GAK: variants seen among roughly 807,000 people sequenced by gnomAD.
GAK encodes the protein cyclin G associated kinase.
GAK carries 79 observed loss-of-function variants against 143.9 expected under a neutral mutation model. The observed-to-expected ratio is 0.55, with a 90% CI of 0.46 to 0.66. GAK has a LOEUF of 0.66. GAK is among the 30% of genes least tolerant of loss of function. The pLI, the probability that GAK is intolerant of heterozygous loss-of-function variation, is 0.00. For missense variants in GAK, 1,693 were observed against 1,779.7 expected (o/e 0.95, Z 0.88); for synonymous variants, 881 against 765.5 (o/e 1.15, Z -2.49).
chr4:902,027 C>G (rs1425856869), intron 5 of GAK, among the ~76,000 whole-genome samples: 2 of 152,180 alleles, frequency 1.3e-5, no homozygotes, highest in Non-Finnish European at 2.9e-5. Flanking sequence ...GACTTGAGGT[C>G]AGGAGTTCGA....
At chr4:889,528 G>C (rs1717237664) in intron 10 of GAK, among the ~76,000 whole-genome samples, 1 of 152,156 alleles carries the variant, frequency 6.6e-6, no homozygotes, top group South Asian at 2.1e-4. Flanking sequence ...GGGCACTGCA[G>C]AACCCAGCAG....
Position 867,320 on chromosome 4 carries a change from G to C in GAK, c.2508C>G (p.Ile836Met), listed in dbSNP as rs1205456091. 1 of 1,611,170 alleles carries C rather than the reference G, an allele frequency of 6.2e-7. No homozygotes were observed. The highest frequency in any genetic ancestry group is 2.2e-5 in the East Asian group (1 of 44,804). Residue 836 changes from isoleucine to methionine, a missense_variant, in exon 21 of 28, where the codon ATC becomes ATG. By Grantham distance (10) the Ile-to-Met change is conservative. Transcript: ENST00000314167. ...SEVSDEGGSP[I>M]SSEGQEPRAD... is the part of the protein sequence containing the mutation. ...CCCTGGGTTCCTGGCCCTCGCTGGA[G>C]ATCGGGGATCCCCCTTCATCTGACA...
At chr4:866,828 G>T in intron 21 of GAK, 128 bp downstream of exon 21, 1 of 749,054 alleles carries the variant, frequency 1.3e-6, no homozygotes, top group South Asian at 1.9e-5. Context: ...GCTGCTCCTG[G>T]GGGAGGTGGG....
intron 23 of GAK, among the ~76,000 whole-genome samples, chr4:861,104 G>A (rs1233956771): frequency 6.6e-6 from 1 of 152,138 alleles, no homozygotes; most frequent in Non-Finnish European, 1.5e-5. Flanking sequence ...CGCTGTGGCT[G>A]CTCCACAGAC....
Position 867,166 on chromosome 4 carries a change from A to G in GAK, c.2662T>C (p.Ser888Pro). ...ACAGCTGGCCCTGCGCCCACCTCGG[A>G]GTGCAGGCCCAGGAGGTCGACCCCG... Reference protein sequence around the residue: ...EDGVDLLGLHSEVGAGPAVPP... With the variant: ...EDGVDLLGLHPEVGAGPAVPP... Residue 888 changes from serine (S) to proline (P), a missense_variant, in exon 21 of 28, where the codon TCC (serine) becomes CCC (proline). By Grantham distance (74) the Ser-to-Pro change is moderately conservative. Coordinates refer to ENST00000314167, the MANE Select transcript of GAK (RefSeq NM_005255.4). 1 of 1,604,254 alleles carries G rather than the reference A, an allele frequency of 6.2e-7. No individual in the cohort carries two copies. Among genetic ancestry groups the G allele is most frequent in the Non-Finnish European group, 8.5e-7 (1 of 1,174,086 alleles).
At position 896,583 on chromosome 4, in the gene GAK, GC is replaced by G. The variant is rs758046467; in HGVS notation, c.652-35del. ...ATACAAACATTTCAAAGGAAAAGTT[GC>G]ATCCCACAAACAGTATTTTTTATGT... On this transcript the variant is annotated intron_variant, in intron 6 of 27. Transcript: ENST00000314167. 5 of 1,507,854 alleles carry G rather than the reference GC, an allele frequency of 3.3e-6. No homozygotes were observed. In the South Asian group the frequency reaches 5.6e-5, roughly 17 times the overall value. The allele number at this position is 1,507,854 out of a possible 1,614,324, so 93.4% of individuals were successfully genotyped here. A position where few individuals can be genotyped will look rare whatever the true frequency, so the allele number is the denominator to read the frequency against.
intron 1 of GAK, among the ~76,000 whole-genome samples, chr4:921,386 G>A (rs1723903133): frequency 6.6e-6 from 1 of 152,188 alleles, no homozygotes; most frequent in East Asian, 1.9e-4. Context: ...GGGCTACCAC[G>A]CCCAGCCCAT....
At chr4:906,817 C>T (rs1385314107) in intron 4 of GAK, among the ~76,000 whole-genome samples, 6 of 152,226 alleles carry the variant, frequency 3.9e-5, no homozygotes, top group East Asian at 3.8e-4. Context: ...GTCTCCCCCA[C>T]GCTGCCAGAG....
intron 1 of GAK, among the ~76,000 whole-genome samples, chr4:925,994 G>T (rs1039723122): frequency 2.0e-5 from 3 of 152,010 alleles, no homozygotes; most frequent in African/African-American, 7.3e-5. Flanking sequence ...ACCTCCCCCA[G>T]TGGTGAGCCC....
At chr4:883,858 G>A (rs554067701) in intron 12 of GAK, among the ~76,000 whole-genome samples, 179 bp downstream of exon 12, 4 of 152,364 alleles carry the variant, frequency 2.6e-5, no homozygotes, top group Middle Eastern at 3.4e-3. Flanking sequence ...CCACTGCTGC[G>A]CCTGGAGGTG....
chr4:888,717 GTCCC>G, intron 11 of GAK, 126 bp downstream of exon 11: 1 of 1,101,830 alleles, frequency 9.1e-7, no homozygotes, highest in Non-Finnish European at 1.3e-6. Flanking sequence ...GGGTGATGCT[GTCCC>G]ACTGCCTCAG....
At chr4:888,728 T>C in intron 11 of GAK, 119 bp downstream of exon 11, 1 of 1,273,914 alleles carries the variant, frequency 7.8e-7, no homozygotes, top group Non-Finnish European at 1.1e-6. Context: ...TCCCACTGCC[T>C]CAGGGGCCCC....
chr4:856,614 G>GGTGCTCACACCTGCTCACCACAA (rs1749315913), intron 24 of GAK, among the ~76,000 whole-genome samples: 1 of 141,504 alleles, frequency 7.1e-6, no homozygotes, highest in African/African-American at 2.7e-5. Flanking sequence ...GCTCACCACA[G>GGTGCTCACACCTGCTCACCACAA]GTGCTCACAC....
intron 7 of GAK, among the ~76,000 whole-genome samples, chr4:895,520 A>G (rs1718599604): frequency 6.6e-6 from 1 of 152,196 alleles, no homozygotes; most frequent in African/African-American, 2.4e-5. Context: ...TACAGCCCAC[A>G]TACTGTCTCA....
At chr4:918,284 A>G (rs906126575) in intron 1 of GAK, among the ~76,000 whole-genome samples, 2 of 152,266 alleles carry the variant, frequency 1.3e-5, no homozygotes, top group African/African-American at 2.4e-5. Flanking sequence ...GACTTCTAAC[A>G]TAAGACTTAA....
intron 14 of GAK, 73 bp from the exon 15 acceptor site, chr4:882,113 T>C: frequency 6.7e-7 from 1 of 1,482,326 alleles, no homozygotes; most frequent in Non-Finnish European, 9.1e-7. Flanking sequence ...TCCTCGGGCA[T>C]CCTACCCACC....
At chr4:917,404 A>G (rs542640919) in intron 1 of GAK, among the ~76,000 whole-genome samples, 1 of 151,964 alleles carries the variant, frequency 6.6e-6, no homozygotes, top group Non-Finnish European at 1.5e-5. Context: ...ATGGATCTAT[A>G]GTAACAGAAG....
chr4:887,139 ACATGCGTACACATG>A (rs1488819258), intron 11 of GAK: 2 of 150,038 alleles, frequency 1.3e-5, no homozygotes, highest in Non-Finnish European at 3.0e-5. Context: ...CGGCTCACAC[ACATGCGTACACATG>A]CACGCGGCTC....
At chr4:897,979 G>T in intron 6 of GAK, 54 bp downstream of exon 6, 2 of 1,567,774 alleles carry the variant, frequency 1.3e-6, no homozygotes, top group South Asian at 1.2e-5. Context: ...CGCACTCAGG[G>T]CGTGGAATGT....
Sources: gnomAD v4.1 joint callset for allele counts (sites outside exome capture counted in the v4.1 genomes callset) on GRCh38, gnomAD v4.1.1 for gene constraint, MANE v1.5 for transcripts, NCBI Gene and HGNC (gene_info 2026-07-23, HGNC 2026-07-21) for gene names.